Variants in YIPF7 observed in about 807,000 individuals in gnomAD.
YIPF7 encodes Yip1 domain family member 7, also known as protein YIPF7.
YIPF7 carries 35 observed loss-of-function variants against 27.2 expected under a neutral mutation model. The ratio of observed to expected loss-of-function variants is 1.29; its 90% CI spans 0.98 to 1.70. The LOEUF (loss-of-function observed/expected upper bound fraction) is 1.70, where lower values mean the gene tolerates loss of function less well. Ranked by LOEUF, YIPF7 falls within the 40% of genes most tolerant of loss-of-function variation. The probability of loss-of-function intolerance (pLI) is 0.00; values close to 1 mark genes in which losing one functional copy is unlikely to be tolerated. For synonymous variants in YIPF7, 137 were observed against 110.4 expected (o/e 1.24, Z -1.51); for missense variants, 358 against 303.7 (o/e 1.18, Z -1.33).
chr4:44,660,132 A>AAAAAAAAAAAAAAAAAAAAAAC (rs1714008198), intron 2 of YIPF7, among the ~76,000 whole-genome samples: 1 of 147,858 alleles, frequency 6.8e-6, no homozygotes, highest in Non-Finnish European at 1.5e-5. Context: ...AAAAAAAAAA[A>AAAAAAAAAAAAAAAAAAAAAAC]AAAACGAACC....
At chr4:44,657,635 T>C (rs1285262369) in intron 2 of YIPF7, among the ~76,000 whole-genome samples, 1 of 152,184 alleles carries the variant, frequency 6.6e-6, no homozygotes, top group Non-Finnish European at 1.5e-5. Flanking sequence ...AAAATGATTT[T>C]AGACCATTGC....
intron 4 of YIPF7, among the ~76,000 whole-genome samples, chr4:44,626,580 A>C (rs1446348801): frequency 2.0e-5 from 3 of 151,952 alleles, no homozygotes; most frequent in African/African-American, 7.3e-5. Flanking sequence ...TTCTCTCATC[A>C]TGTCTTTCTC....
chr4:44,660,336 T>C (rs1714015599), intron 2 of YIPF7: 1 of 152,036 alleles, frequency 6.6e-6, no homozygotes. Context: ...ACCAATAAAA[T>C]GTGGAGGAAG....
intron 4 of YIPF7, 83 bp from the exon 5 acceptor site, chr4:44,624,865 T>C (rs1033028619): frequency 2.6e-5 from 34 of 1,314,648 alleles, no homozygotes; most frequent in Non-Finnish European, 3.6e-5. Context: ...AGAGAGCATC[T>C]TAGAGTCAGT....
intron 2 of YIPF7, among the ~76,000 whole-genome samples, chr4:44,641,719 G>GA (rs1282573685): frequency 2.6e-4 from 39 of 152,144 alleles, no homozygotes; most frequent in African/African-American, 9.2e-4. Context: ...TTTAGGAAAA[G>GA]AAAGCCACAG....
chr4:44,632,965 G>A (rs961946295), intron 3 of YIPF7, among the ~76,000 whole-genome samples: 3 of 152,066 alleles, frequency 2.0e-5, no homozygotes, highest in African/African-American at 7.2e-5. Flanking sequence ...AGGTGGAGGT[G>A]AGCAGTGGGC....
intron 1 of YIPF7, among the ~76,000 whole-genome samples, chr4:44,651,036 TCA>T (rs1713722313): frequency 6.6e-6 from 1 of 152,180 alleles, no homozygotes; most frequent in Admixed American, 6.5e-5. Flanking sequence ...GATTTAAAAA[TCA>T]CCAGGAGTAA....
chr4:44,655,725 A>G (rs759288608), upstream of YIPF7, among the ~76,000 whole-genome samples: 1 of 151,976 alleles, frequency 6.6e-6, no homozygotes, highest in Non-Finnish European at 1.5e-5. Flanking sequence ...TTTTTAATGC[A>G]TTTTTATCAG....
intron 2 of YIPF7, among the ~76,000 whole-genome samples, chr4:44,647,360 GTTTAA>G (rs1713563282): frequency 6.6e-6 from 1 of 152,076 alleles, no homozygotes; most frequent in African/African-American, 2.4e-5. Context: ...GTGCATTTTA[GTTTAA>G]TTTAATCTGA....
At position 44,637,623 on chromosome 4, in the gene YIPF7, G is replaced by A. The variant is rs1713174809; in HGVS notation, c.117-1538C>T. Among the ~76,000 whole-genome samples the A allele has an allele frequency of 2.6e-5, 4 of 152,112 alleles. 1 individual carries two copies. The highest frequency in any genetic ancestry group is 2.6e-4 in the Admixed American group (4 of 15,280). ...TTTTGTATTTCCATAGGTTTTGGGG[G>A]AACAGGTGGTATTTGGTTACATGAG... is the stretch of plus-strand genomic sequence containing the variant. On this transcript the variant is annotated intron_variant, in intron 2 of 5. Coordinates refer to ENST00000415895, the MANE Select transcript of YIPF7 (RefSeq NM_182592.3).
chr4:44,660,158 T>A (rs1481911570), intron 2 of YIPF7, among the ~76,000 whole-genome samples: 1 of 136,694 alleles, frequency 7.3e-6, no homozygotes, highest in African/African-American at 2.7e-5. Flanking sequence ...GTGACCTGCA[T>A]GTCTAATATT....
At chr4:44,646,108 T>G (rs1446210133) in intron 2 of YIPF7, among the ~76,000 whole-genome samples, 3 of 152,174 alleles carry the variant, frequency 2.0e-5, no homozygotes, top group African/African-American at 7.2e-5. Context: ...CAAGAACAGC[T>G]CAGAACTTTT....
chr4:44,646,510 A>G (rs1231604346), intron 2 of YIPF7, among the ~76,000 whole-genome samples: 2 of 152,174 alleles, frequency 1.3e-5, no homozygotes, highest in Non-Finnish European at 2.9e-5. Flanking sequence ...AACAGTATCT[A>G]TTTCTTTTTT....
intron 3 of YIPF7, among the ~76,000 whole-genome samples, chr4:44,634,729 TAGTC>T (rs1283869101): frequency 6.6e-6 from 1 of 152,210 alleles, no homozygotes; most frequent in Non-Finnish European, 1.5e-5. Flanking sequence ...TTGTTAATGA[TAGTC>T]ATGTCTTTGA....
chr4:44,650,804 T>C (rs949491433), intron 1 of YIPF7, among the ~76,000 whole-genome samples: 3 of 152,170 alleles, frequency 2.0e-5, no homozygotes, highest in African/African-American at 7.2e-5. Flanking sequence ...GGAATGATTG[T>C]TTTTGAATTA....
chr4:44,643,394 A>T (rs112537808), intron 2 of YIPF7, among the ~76,000 whole-genome samples: 2,182 of 152,330 alleles, frequency 0.014, 46 homozygotes, highest in African/African-American at 0.049. Context: ...ATGTGAGCAA[A>T]GAAATGATCT....
At position 44,635,067 on chromosome 4, in the gene YIPF7, C is replaced by T. The variant is rs535508123; in HGVS notation, c.280+855G>A. On this transcript the variant is annotated intron_variant, in intron 3 of 5. Transcript: ENST00000415895. ...TGTGGCTGGTTGTGTTCATGTGAGG[C>T]AAACACCTTTACATCTTGTGATGTA... is the stretch of plus-strand genomic sequence containing the variant. 1.6e-3 allele frequency among the ~76,000 whole-genome samples: 245 copies of T among 152,252 alleles called. 2 individuals carry two copies. The highest frequency in any genetic ancestry group is 5.7e-3 in the African/African-American group (236 of 41,546).
intron 3 of YIPF7, among the ~76,000 whole-genome samples, chr4:44,634,432 C>T (rs112266787): frequency 0.017 from 2,602 of 152,014 alleles, 76 homozygotes; most frequent in African/African-American, 0.056. Context: ...ACTCAGGAGG[C>T]TGAGGGGGAG....
chr4:44,634,064 C>T (rs1423224296), intron 3 of YIPF7, among the ~76,000 whole-genome samples: 1 of 152,122 alleles, frequency 6.6e-6, no homozygotes, highest in African/African-American at 2.4e-5. Flanking sequence ...TAAGGACAGA[C>T]TCTATAAAGG....
Sources: gnomAD v4.1 joint callset for allele counts (sites outside exome capture counted in the v4.1 genomes callset) on GRCh38, gnomAD v4.1.1 for gene constraint, MANE v1.5 for transcripts, NCBI Gene and HGNC (gene_info 2026-07-23, HGNC 2026-07-21) for gene names.